The following SULF2 variants were observed in gnomAD, a reference collection of about 807,000 sequenced individuals.
SULF2 encodes the protein sulfatase 2.
SULF2 carries 52 observed loss-of-function variants against 107.7 expected under a neutral mutation model. The observed-to-expected ratio is 0.48, with a 90% CI of 0.39 to 0.61. The LOEUF is 0.61. SULF2 is among the 20% of genes least tolerant of loss of function. SULF2 has a pLI of 0.00. For missense variants in SULF2, 993 were observed against 1,177.3 expected (o/e 0.84, Z 2.29); for synonymous variants, 460 against 464.3 (o/e 0.99, Z 0.12).
chr20:47,723,469 C>G (rs1369854262), intron 3 of SULF2, among the ~76,000 whole-genome samples: 1 of 152,124 alleles, frequency 6.6e-6, no homozygotes, highest in African/African-American at 2.4e-5. Flanking sequence ...GGGCTGCAGA[C>G]AGGTAGACAG....
intron 2 of SULF2, among the ~76,000 whole-genome samples, chr20:47,745,403 AAAAAAAAATATATATATAT>A (rs2089999308): frequency 2.8e-4 from 7 of 24,998 alleles, no homozygotes; most frequent in South Asian, 3.7e-3. Flanking sequence ...AAAAAAAAAA[AAAAAAAAATATATATATAT>A]ATATATATAT....
intron 3 of SULF2, among the ~76,000 whole-genome samples, chr20:47,729,235 G>A (rs1357813036): frequency 6.6e-6 from 1 of 152,232 alleles, no homozygotes. Flanking sequence ...GACAGTGACT[G>A]AGGGGAGACC....
chr20:47,667,482 C>T (rs751520414), intron 11 of SULF2, among the ~76,000 whole-genome samples: 7 of 152,062 alleles, frequency 4.6e-5, no homozygotes, highest in Non-Finnish European at 7.4e-5. Context: ...GAGGTGGTGG[C>T]GGTGATGTAG....
rs2090911661 is a variant in SULF2, at chr20:47,785,448, C to T, written c.-206G>A. Reference sequence around the variant, plus strand: ...GCAGGGGACTCCGCGCCGCCGCTGCCGCTGCCGCCGCCGCCGCCGCCGCTG... The same window carrying T: ...GCAGGGGACTCCGCGCCGCCGCTGCTGCTGCCGCCGCCGCCGCCGCCGCTG... On this transcript the variant is annotated 5_prime_UTR_variant, in exon 1 of 21. Coordinates refer to ENST00000688720, the MANE Select transcript of SULF2 (RefSeq NM_001387048.1). 1 of 150,802 alleles carries T rather than the reference C, an allele frequency of 6.6e-6. No homozygotes were observed. Among genetic ancestry groups the T allele is most frequent in the Non-Finnish European group, 1.3e-5 (1 of 74,302 alleles). 9.3% of individuals were successfully genotyped at this position (150,802 alleles called of 1,614,324 possible). A position where few individuals can be genotyped will look rare whatever the true frequency, so the allele number is the denominator to read the frequency against.
chr20:47,668,813 G>A (rs1199774610), intron 11 of SULF2, among the ~76,000 whole-genome samples: 1 of 151,824 alleles, frequency 6.6e-6, no homozygotes, highest in Non-Finnish European at 1.5e-5. Flanking sequence ...GTGTGATGTG[G>A]CTGCCCATGC....
rs766034578 is a variant in SULF2 at position 47,705,155 on chromosome 20, C to T, written c.416-2485G>A. On this transcript the variant is annotated intron_variant, in intron 3 of 20. Coordinates refer to ENST00000688720, the MANE Select transcript of SULF2 (RefSeq NM_001387048.1). ...CCATCATGCAGGGCCGGGAGGTGAC[C>T]GCTCCAGAGGGAGGAGCTGATGAAA... is the stretch of plus-strand genomic sequence containing the variant. Among the ~76,000 whole-genome samples the T allele has an allele frequency of 7.2e-5, 11 of 152,266 alleles. No homozygotes were observed. The South Asian group carries it at 1.2e-3, about 17-fold the overall frequency.
chr20:47,676,893 C>T lies in SULF2; in HGVS notation c.1250+185G>A, dbSNP rs952319626. On this transcript the variant is annotated intron_variant, in intron 9 of 20. Transcript: ENST00000688720. ...GGACAAAGCATGCCAAAAGCGTACA[C>T]GTGACCTCAGACCCCAATTCTGTGT... 2.4e-4 allele frequency among the ~76,000 whole-genome samples: 37 copies of T among 152,208 alleles called. No individual in the cohort carries two copies. The highest frequency in any genetic ancestry group is 1.9e-3 in the Admixed American group (29 of 15,286).
At chr20:47,697,064 G>A (rs1255113532) in intron 4 of SULF2, among the ~76,000 whole-genome samples, 1 of 152,124 alleles carries the variant, frequency 6.6e-6, no homozygotes, top group African/African-American at 2.4e-5. Flanking sequence ...CCCCCACACT[G>A]GCCGTGCACT....
chr20:47,755,387 C>T (rs1021729474), intron 2 of SULF2, among the ~76,000 whole-genome samples: 3 of 152,178 alleles, frequency 2.0e-5, no homozygotes, highest in Non-Finnish European at 4.4e-5. Flanking sequence ...GTTTTATTCA[C>T]AAGTCACAGA....
intron 2 of SULF2, among the ~76,000 whole-genome samples, chr20:47,741,654 C>T (rs936210620): frequency 2.6e-5 from 4 of 152,196 alleles, no homozygotes; most frequent in Non-Finnish European, 4.4e-5. Context: ...GAGTCCAGGG[C>T]ACCCCAAGTG....
At chr20:47,731,760 A>G (rs966693081) in intron 3 of SULF2, among the ~76,000 whole-genome samples, 2 of 152,194 alleles carry the variant, frequency 1.3e-5, no homozygotes, top group African/African-American at 4.8e-5. Context: ...CTGTTCTTCA[A>G]AGTGGAGGGA....
intron 4 of SULF2, among the ~76,000 whole-genome samples, chr20:47,692,545 G>C (rs1247391266): frequency 6.6e-6 from 1 of 152,184 alleles, no homozygotes; most frequent in African/African-American, 2.4e-5. Flanking sequence ...TAAGTAGCTA[G>C]GACTATAGGC....
chr20:47,672,528 T>C, intron 10 of SULF2, 135 bp from the exon 11 acceptor site: 2 of 1,432,236 alleles, frequency 1.4e-6, no homozygotes, highest in South Asian at 2.9e-5. Flanking sequence ...CCACCTCTGC[T>C]ATCTCCAATG....
intron 4 of SULF2, among the ~76,000 whole-genome samples, chr20:47,698,269 A>G (rs551299867): frequency 6.4e-4 from 97 of 152,334 alleles, no homozygotes; most frequent in African/African-American, 2.3e-3. Context: ...ATTCCCAGCC[A>G]ACGTTCCAGC....
chr20:47,684,228 A>G (rs974475683), intron 6 of SULF2: 1 of 536,090 alleles, frequency 1.9e-6, no homozygotes, highest in Admixed American at 3.7e-5. Context: ...TGGGCAACAC[A>G]GATCTAGAAA....
At chr20:47,711,379 C>T (rs2088922926) in intron 3 of SULF2, among the ~76,000 whole-genome samples, 1 of 152,238 alleles carries the variant, frequency 6.6e-6, no homozygotes, top group South Asian at 2.1e-4. Flanking sequence ...GCACCCCCAC[C>T]CACTGCTATG....
Position 47,657,777 on chromosome 20 carries a change from C to G in SULF2, c.*585G>C, listed in dbSNP as rs1485639332. 6 of 152,434 alleles carry G rather than the reference C, an allele frequency of 3.9e-5. No individual in the cohort carries two copies. The highest frequency in any genetic ancestry group is 8.8e-5 in the Non-Finnish European group (6 of 68,262). 9.4% of individuals were successfully genotyped at this position (152,434 alleles called of 1,614,324 possible). A position where few individuals can be genotyped will look rare whatever the true frequency, so the allele number is the denominator to read the frequency against. ...CCCATGTTGATTACATGTAAATAGT[C>G]ACATATATACAATGAAGGCAGTTTC... On this transcript the variant is annotated 3_prime_UTR_variant, in exon 21 of 21. Coordinates refer to ENST00000688720, the MANE Select transcript of SULF2 (RefSeq NM_001387048.1).
At chr20:47,704,800 G>A (rs1287946134) in intron 3 of SULF2, among the ~76,000 whole-genome samples, 2 of 152,204 alleles carry the variant, frequency 1.3e-5, no homozygotes, top group Non-Finnish European at 2.9e-5. Context: ...TGGGCCTTGT[G>A]CACGTGAGTG....
intron 1 of SULF2, among the ~76,000 whole-genome samples, chr20:47,776,487 A>T (rs1318451381): frequency 6.6e-6 from 1 of 152,214 alleles, no homozygotes; most frequent in African/African-American, 2.4e-5. Context: ...GTGCTCGGTA[A>T]ATGTGAGCTT....
Sources: gnomAD v4.1 joint callset for allele counts (sites outside exome capture counted in the v4.1 genomes callset) on GRCh38, gnomAD v4.1.1 for gene constraint, MANE v1.5 for transcripts, NCBI Gene and HGNC (gene_info 2026-07-23, HGNC 2026-07-21) for gene names.